RBM20: variants seen among roughly 807,000 people sequenced by gnomAD.
RBM20 encodes the protein RNA binding motif protein 20.
RBM20 carries 51 observed loss-of-function variants against 110.1 expected under a neutral mutation model. The observed-to-expected ratio is 0.46, with a 90% CI of 0.37 to 0.59. The LOEUF (loss-of-function observed/expected upper bound fraction) is 0.59, where lower values mean the gene tolerates loss of function less well. Among genes scored for constraint, RBM20 ranks in the 20% least tolerant of loss-of-function variants. The pLI, the probability that RBM20 is intolerant of heterozygous loss-of-function variation, is 0.00. For missense variants in RBM20, 1,512 were observed against 1,574.9 expected, an observed-to-expected ratio of 0.96 and a Z score of 0.68; for synonymous variants, 589 against 618.2, an observed-to-expected ratio of 0.95 and a Z score of 0.70.
upstream of RBM20, chr10:110,644,334 C>T (rs1352205733): frequency 1.4e-6 from 1 of 737,750 alleles, no homozygotes; most frequent in Non-Finnish European, 2.0e-6. This position sits in a 1 kb window ranked among gnomAD's most constrained non-coding sequence, Gnocchi z 4.3. Flanking sequence ...CGTCTCCTCC[C>T]CGCGCCACCG....
At position 110,789,667 on chromosome 10, in the gene RBM20, G is replaced by A. The variant is rs116750146; in HGVS notation, c.1527+4778G>A. Among the ~76,000 whole-genome samples the A allele has an allele frequency of 3.6e-3, 550 of 152,148 alleles. 5 individuals are homozygous for A. The highest frequency in any genetic ancestry group is 0.013 in the African/African-American group (528 of 41,508). Reference sequence around the variant, plus strand: ...GTCGCCATGTTGCCCAGGCTCGCGTGTTTATATTTGACAGAGACGGGACAC... The same window carrying A: ...GTCGCCATGTTGCCCAGGCTCGCGTATTTATATTTGACAGAGACGGGACAC... On this transcript the variant is annotated intron_variant, in intron 5 of 13. Transcript: ENST00000369519.
chr10:110,817,861 A>G (rs1408903219), intron 9 of RBM20, among the ~76,000 whole-genome samples: 1 of 152,194 alleles, frequency 6.6e-6, no homozygotes, highest in Non-Finnish European at 1.5e-5. Flanking sequence ...CTGGCATTAG[A>G]GTAACAGGAG....
chr10:110,644,704 C>T lies in RBM20; in HGVS notation c.191+59C>T, dbSNP rs1446192033. 3.9e-6 allele frequency: 5 copies of T among 1,286,138 alleles called. No homozygotes were observed. In the African/African-American group the frequency reaches 4.7e-5, roughly 12 times the overall value. The allele number at this position is 1,286,138 out of a possible 1,614,324, so 79.7% of individuals were successfully genotyped here. A position where few individuals can be genotyped will look rare whatever the true frequency, so the allele number is the denominator to read the frequency against. ...GCGCCTGGGGACACGCCCCGAGAGC[C>T]CCCTTTGTGGCTTCATTTCCCGTCC... On this transcript the variant is annotated intron_variant, in intron 1 of 13. Coordinates refer to ENST00000369519, the MANE Select transcript of RBM20 (RefSeq NM_001134363.3). This position sits in a 1 kb window ranked among gnomAD's most constrained non-coding sequence, Gnocchi z 4.3.
intron 1 of RBM20, among the ~76,000 whole-genome samples, chr10:110,676,406 C>G (rs1269197042): frequency 2.0e-5 from 3 of 152,080 alleles, no homozygotes; most frequent in Non-Finnish European, 4.4e-5. Context: ...CAATTATAAC[C>G]AAGGCAGAGA....
rs1414344349 is a variant in RBM20, at chr10:110,784,368, G to A, written c.1365G>A (p.Ser455=). The A allele has an allele frequency of 1.5e-5, 23 of 1,551,046 alleles. No individual in the cohort carries two copies. The highest frequency in any genetic ancestry group is 8.3e-5 in the South Asian group (7 of 84,010). Residue 455 remains serine (S), a synonymous_variant, in exon 4 of 14, where the codon TCG becomes TCA. Coordinates refer to ENST00000369519, the MANE Select transcript of RBM20 (RefSeq NM_001134363.3). ...ENAGIRCILG[S]AEGTLCASPN... is the part of the protein sequence containing the mutation. ...CTGGCATCCGGTGTATACTTGGTTC[G>A]GCAGAGGGAACATTGTGTGCTTCTC...
chr10:110,658,321 TG>T (rs1465610339), intron 1 of RBM20, among the ~76,000 whole-genome samples: 2 of 152,244 alleles, frequency 1.3e-5, no homozygotes, highest in East Asian at 3.9e-4. Context: ...GCAACAGTGC[TG>T]GGGGGTGAGT....
intron 9 of RBM20, among the ~76,000 whole-genome samples, chr10:110,813,295 T>G (rs540578842): frequency 6.6e-6 from 1 of 152,232 alleles, no homozygotes; most frequent in Non-Finnish European, 1.5e-5. Context: ...TTACTAGAAG[T>G]TAGGGTGGGA....
intron 1 of RBM20, among the ~76,000 whole-genome samples, chr10:110,768,116 G>A (rs1478890543): frequency 6.6e-6 from 1 of 152,256 alleles, no homozygotes; most frequent in African/African-American, 2.4e-5. Context: ...TGCAATCGCA[G>A]GCACTCGGCA....
intron 1 of RBM20, among the ~76,000 whole-genome samples, chr10:110,645,864 T>C (rs1861860330): frequency 6.6e-6 from 1 of 151,936 alleles, no homozygotes; most frequent in African/African-American, 2.4e-5. Flanking sequence ...AACTTTCAAC[T>C]ACAAACAGTT....
intron 11 of RBM20, chr10:110,822,502 C>T (rs1041312230): frequency 2.4e-5 from 11 of 456,420 alleles, no homozygotes; most frequent in African/African-American, 1.6e-4. Context: ...TGCCTATGCC[C>T]GGCACTGTGA....
At chr10:110,784,260 T>C in intron 3 of RBM20, 81 bp from the exon 4 acceptor site, 1 of 1,042,780 alleles carries the variant, frequency 9.6e-7, no homozygotes, top group Non-Finnish European at 1.5e-6. Context: ...GGTCTGCACC[T>C]ACGAGTGGAA....
chr10:110,763,731 C>T (rs987719626), intron 1 of RBM20, among the ~76,000 whole-genome samples: 1 of 147,072 alleles, frequency 6.8e-6, no homozygotes, highest in Non-Finnish European at 1.5e-5. Context: ...GCCACTTCCT[C>T]ACAGAGAGGG....
intron 1 of RBM20, among the ~76,000 whole-genome samples, chr10:110,690,927 T>A (rs77407398): frequency 0.033 from 5,047 of 152,292 alleles, 247 homozygotes; most frequent in African/African-American, 0.11. Flanking sequence ...TTTGGGCATA[T>A]ACCTAGGAAC....
intron 1 of RBM20, among the ~76,000 whole-genome samples, chr10:110,702,295 T>C (rs568718711): frequency 1.3e-5 from 2 of 152,276 alleles, no homozygotes; most frequent in African/African-American, 4.8e-5. Context: ...ATCCCAACAT[T>C]TTGCTAGGCC....
At chr10:110,690,117 A>G (rs1862566522) in intron 1 of RBM20, among the ~76,000 whole-genome samples, 1 of 152,162 alleles carries the variant, frequency 6.6e-6, no homozygotes, top group Non-Finnish European at 1.5e-5. Context: ...TTTTAATTGT[A>G]CAATTTGACT....
chr10:110,723,460 T>A (rs1294725653), intron 1 of RBM20, among the ~76,000 whole-genome samples: 2 of 152,200 alleles, frequency 1.3e-5, no homozygotes, highest in African/African-American at 2.4e-5. Context: ...AATTGCTGGG[T>A]CATATGGTAA....
chr10:110,814,781 G>T (rs1458587928), intron 9 of RBM20, among the ~76,000 whole-genome samples: 1 of 152,150 alleles, frequency 6.6e-6, no homozygotes, highest in African/African-American at 2.4e-5. Flanking sequence ...GGCGTGAGCC[G>T]CCGTGCCCTG....
intron 1 of RBM20, among the ~76,000 whole-genome samples, chr10:110,746,804 TC>T: frequency 1.3e-5 from 2 of 152,310 alleles, no homozygotes; most frequent in South Asian, 4.1e-4. Context: ...GCAAATATCA[TC>T]CCATCACAAT....
At chr10:110,701,641 C>T (rs752476322) in intron 1 of RBM20, among the ~76,000 whole-genome samples, 1 of 152,222 alleles carries the variant, frequency 6.6e-6, no homozygotes, top group Non-Finnish European at 1.5e-5. Context: ...CCCAGCTCCA[C>T]ACCATCCAGT....
Sources: allele counts gnomAD v4.1 joint callset (sites outside exome capture counted in the v4.1 genomes callset), GRCh38; gene constraint gnomAD v4.1.1; non-coding constraint Gnocchi (gnomAD v3.1); transcripts MANE v1.5; gene names NCBI Gene and HGNC (gene_info 2026-07-23, HGNC 2026-07-21).